SRD5A2: variants seen among roughly 807,000 people sequenced by gnomAD.
SRD5A2 encodes the protein steroid 5 alpha-reductase 2.
Under a neutral mutation model 27.4 loss-of-function variants are expected in SRD5A2, and 30 were observed. That is an observed-to-expected ratio of 1.10 (90% confidence interval 0.82 to 1.49). The LOEUF (loss-of-function observed/expected upper bound fraction) is 1.49. SRD5A2 is among the 40% of genes most tolerant of loss of function. SRD5A2 has a pLI of 0.00. For missense variants in SRD5A2, 348 were observed against 323.4 expected (o/e 1.08, Z -0.58); for synonymous variants, 141 against 133.6 (o/e 1.06, Z -0.38).
chr2:31,625,210 T>C, the SRD5A2 span, among the ~76,000 whole-genome samples: 2 of 152,158 alleles, frequency 1.3e-5, no homozygotes, highest in Admixed American at 6.6e-5. Flanking sequence ...TGGGGTTGTT[T>C]GATTTTTTCT....
chr2:31,602,305 G>A, the SRD5A2 span, among the ~76,000 whole-genome samples: 1 of 151,926 alleles, frequency 6.6e-6, no homozygotes, highest in Non-Finnish European at 1.5e-5. Context: ...CTGAACTCCC[G>A]TTCACAATTG....
chr2:31,554,910 G>T lies in SRD5A2; in HGVS notation c.282-21144C>A, dbSNP rs991650125. ...GGTGATGAATAGTCCTGGTAAGATG[G>T]CCTCTATCCTGATCGTGTGTGTGTG... On this transcript the variant is annotated intron_variant, in intron 1 of 4. Coordinates refer to ENST00000622030, the MANE Select transcript of SRD5A2 (RefSeq NM_000348.4). 2.0e-5 allele frequency among the ~76,000 whole-genome samples: 3 copies of T among 149,308 alleles called. No homozygotes were observed. In the Admixed American group the frequency reaches 2.0e-4, roughly 10 times the overall value.
the SRD5A2 span, among the ~76,000 whole-genome samples, chr2:31,656,341 A>T: frequency 2.6e-5 from 4 of 151,804 alleles, no homozygotes; most frequent in African/African-American, 9.7e-5. Context: ...ATTCTACTCA[A>T]CCTCCTTTGA....
chr2:31,543,642 C>T (rs1489842772), intron 1 of SRD5A2, among the ~76,000 whole-genome samples: 6 of 152,000 alleles, frequency 3.9e-5, no homozygotes, highest in African/African-American at 1.4e-4. Context: ...TGGGAAGGAG[C>T]TGTTAAAGTA....
the SRD5A2 span, among the ~76,000 whole-genome samples, chr2:31,653,392 C>A: frequency 6.6e-6 from 1 of 152,324 alleles, no homozygotes; most frequent in South Asian, 2.1e-4. Flanking sequence ...AATCCCAAAT[C>A]CTTCTCTTTG....
At chr2:31,658,034 C>G in the SRD5A2 span, among the ~76,000 whole-genome samples, 2 of 152,098 alleles carry the variant, frequency 1.3e-5, no homozygotes, top group Admixed American at 6.6e-5. Flanking sequence ...GTTTGTAGGT[C>G]TAGAAGTACT....
At chr2:31,528,356 T>C (rs1160397895) in intron 4 of SRD5A2, among the ~76,000 whole-genome samples, 1 of 152,192 alleles carries the variant, frequency 6.6e-6, no homozygotes, top group Non-Finnish European at 1.5e-5. Context: ...CCTTCTGGAG[T>C]TCCAGGGCTC....
chr2:31,558,909 G>A (rs1454407069), intron 1 of SRD5A2, among the ~76,000 whole-genome samples: 1 of 152,160 alleles, frequency 6.6e-6, no homozygotes, highest in Non-Finnish European at 1.5e-5. Flanking sequence ...TACTCAGAAT[G>A]TAACCACAAT....
chr2:31,568,716 T>A (rs1461140485), intron 1 of SRD5A2, among the ~76,000 whole-genome samples: 1 of 152,098 alleles, frequency 6.6e-6, no homozygotes, highest in Non-Finnish European at 1.5e-5. Flanking sequence ...CCTGCCACCA[T>A]CCACATGCCA....
the SRD5A2 span, among the ~76,000 whole-genome samples, chr2:31,598,067 A>C: frequency 6.6e-6 from 1 of 152,130 alleles, no homozygotes. Context: ...CCATCAAGCA[A>C]TGAATGGATA....
At chr2:31,586,986 C>T in the SRD5A2 span, among the ~76,000 whole-genome samples, 1 of 152,062 alleles carries the variant, frequency 6.6e-6, no homozygotes, top group Non-Finnish European at 1.5e-5. Context: ...AAAGATAACA[C>T]ATAGGAGAAA....
intron 1 of SRD5A2, among the ~76,000 whole-genome samples, chr2:31,573,329 A>T (rs1354205273): frequency 6.6e-6 from 1 of 152,218 alleles, no homozygotes; most frequent in African/African-American, 2.4e-5. Flanking sequence ...ATGGAAGACA[A>T]ATTGCACTGT....
At chr2:31,637,101 T>C in the SRD5A2 span, among the ~76,000 whole-genome samples, 2 of 152,130 alleles carry the variant, frequency 1.3e-5, no homozygotes, top group African/African-American at 4.8e-5. Context: ...CATCTGGTCC[T>C]GGGCTTTTCT....
chr2:31,650,339 TG>T, the SRD5A2 span, among the ~76,000 whole-genome samples: 13 of 152,164 alleles, frequency 8.5e-5, no homozygotes, highest in Middle Eastern at 3.4e-3. Context: ...AAATCCAGGA[TG>T]GGGGAAGTAA....
At chr2:31,594,335 C>A in the SRD5A2 span, among the ~76,000 whole-genome samples, 1 of 152,036 alleles carries the variant, frequency 6.6e-6, no homozygotes, top group African/African-American at 2.4e-5. Context: ...CTCACATAAA[C>A]TTAAAGTAAA....
chr2:31,629,348 G>A, the SRD5A2 span, among the ~76,000 whole-genome samples: 1 of 152,282 alleles, frequency 6.6e-6, no homozygotes, highest in Non-Finnish European at 1.5e-5. Flanking sequence ...ACCATCTTGG[G>A]AGCTCTAAGA....
At chr2:31,652,265 G>C in the SRD5A2 span, among the ~76,000 whole-genome samples, 1 of 152,162 alleles carries the variant, frequency 6.6e-6, no homozygotes. Flanking sequence ...CCTAGTCACT[G>C]TTTTTCATTC....
At chr2:31,598,832 T>G in the SRD5A2 span, among the ~76,000 whole-genome samples, 3 of 151,952 alleles carry the variant, frequency 2.0e-5, no homozygotes, top group African/African-American at 7.2e-5. Flanking sequence ...AAGAATAACA[T>G]TGAATATAAA....
the SRD5A2 span, among the ~76,000 whole-genome samples, chr2:31,587,305 G>A: frequency 6.6e-6 from 1 of 152,182 alleles, no homozygotes; most frequent in Admixed American, 6.5e-5. Flanking sequence ...CATTGTTGGT[G>A]GGAGTGTAAA....
Sources: allele counts gnomAD v4.1 joint callset (sites outside exome capture counted in the v4.1 genomes callset), GRCh38; gene constraint gnomAD v4.1.1; transcripts MANE v1.5; gene names NCBI Gene and HGNC (gene_info 2026-07-23, HGNC 2026-07-21).